The following ZNF780B variants were observed in gnomAD, a reference collection of about 807,000 sequenced individuals.
The protein encoded by ZNF780B is zinc finger protein 780B.
A neutral mutation model predicts 74.1 loss-of-function variants in ZNF780B; 52 were observed. The ratio of observed to expected loss-of-function variants is 0.70; its 90% CI spans 0.56 to 0.88. ZNF780B has a LOEUF of 0.88. Ranked by LOEUF, ZNF780B falls within the 40% of genes least tolerant of loss-of-function variation. ZNF780B has a pLI of 0.00. For synonymous variants in ZNF780B, 315 were observed against 324.3 expected, an observed-to-expected ratio of 0.97 and a Z score of 0.31; for missense variants, 953 against 1,007.6, an observed-to-expected ratio of 0.95 and a Z score of 0.73.
chr19:40,054,101 C>T (rs1048484050), intron 1 of ZNF780B, among the ~76,000 whole-genome samples: 6 of 152,062 alleles, frequency 3.9e-5, no homozygotes, highest in Non-Finnish European at 8.8e-5. Context: ...TGCAGTGAAC[C>T]GAGATCACGC....
rs1175343750 is a variant in ZNF780B at position 40,032,021 on chromosome 19, T to A, written c.*2336A>T. The A allele has an allele frequency of 8.8e-6, 4 of 455,066 alleles. No individual in the cohort carries two copies. The highest frequency in any genetic ancestry group is 4.0e-5 in the African/African-American group (2 of 49,878). 28.2% of individuals were successfully genotyped at this position (455,066 alleles called of 1,614,324 possible). On this transcript the variant is annotated 3_prime_UTR_variant, in exon 5 of 5. Transcript: ENST00000434248. ...AAGTATTCTTCCCCAAAACGTTTAA[T>A]CTAGACCTAAGAAAGCCTCTGGACT...
Position 40,034,702 on chromosome 19 carries a change from A to G in ZNF780B, c.2157T>C (p.His719=). ...HYQLTEHYRI[H]TGEKPFECKE... ...TACATTCAAAGGGTTTCTCACCAGT[A>G]TGAATTCGGTAATGTTCAGTAAGCT... The change falls in exon 5 of 5, where the codon CAT becomes CAC. Residue 719 remains histidine, a synonymous_variant. Transcript: ENST00000434248. The G allele has an allele frequency of 6.2e-7, 1 of 1,614,092 alleles. No individual in the cohort carries two copies. The highest frequency in any genetic ancestry group is 8.5e-7 in the Non-Finnish European group (1 of 1,180,006).
chr19:40,046,804 G>C (rs1006897664), intron 4 of ZNF780B, among the ~76,000 whole-genome samples: 1 of 152,232 alleles, frequency 6.6e-6, no homozygotes, highest in African/African-American at 2.4e-5. Context: ...GTATTGACCA[G>C]AGCCAAGCAT....
rs1972233663 is a variant in ZNF780B, at chr19:40,035,514, C to A, written c.1345G>T (p.Glu449Ter). 2 of 1,613,954 alleles carry A rather than the reference C, an allele frequency of 1.2e-6. No individual in the cohort carries two copies. The highest frequency in any genetic ancestry group is 1.7e-6 in the Non-Finnish European group (2 of 1,180,006). ...TGATATCGAAAGGCCATCTCACATT[C>A]CCTACATACAAAGGGTTTCTCATTG... ...HSNEKPFVCR[E>*]CEMAFRYHYQ... Residue 449 changes from glutamate (E) to a stop codon, truncating the protein, a stop_gained, in exon 5 of 5, where the codon GAA (glutamate) becomes TAA (stop). Coordinates refer to ENST00000434248, the MANE Select transcript of ZNF780B (RefSeq NM_001005851.3). LOFTEE classifies it high-confidence loss of function.
At chr19:40,052,695 AG>A (rs1247750140) in intron 1 of ZNF780B, among the ~76,000 whole-genome samples, 1 of 152,178 alleles carries the variant, frequency 6.6e-6, no homozygotes, top group African/African-American at 2.4e-5. Context: ...TATACTACAA[AG>A]CTATAGTAAC....
In ZNF780B at chr19:40,036,115, C is replaced by G; in HGVS notation, c.744G>C (p.Leu248=). The change falls in exon 5 of 5, where the codon CTG becomes CTC. Residue 248 remains leucine, a synonymous_variant. Transcript: ENST00000434248. ...RHKNIHTVKK[L]FECKECGKSF... ...ACTTCCCACATTCCTTACATTCAAA[C>G]AGTTTCTTAACTGTGTGAATGTTCT... 1 of 1,613,340 alleles carries G rather than the reference C, an allele frequency of 6.2e-7. No individual in the cohort carries two copies.
chr19:40,050,155 C>A lies in ZNF780B; in HGVS notation c.9+169G>T, dbSNP rs148009288. ...GAAGTTGCAATGAGCCAAGATCGCA[C>A]CACTGCATTCCAGCCTGGGTGACAG... On this transcript the variant is annotated intron_variant, in intron 2 of 4. Coordinates refer to ENST00000434248, the MANE Select transcript of ZNF780B (RefSeq NM_001005851.3). Among the ~76,000 whole-genome samples, 430 of 144,562 alleles carry A rather than the reference C, an allele frequency of 3.0e-3. 1 individual carries two copies. The highest frequency in any genetic ancestry group is 9.0e-3 in the African/African-American group (344 of 38,106). The allele number at this position is 144,562 out of a possible 152,430, so 94.8% of individuals were successfully genotyped here.
intron 4 of ZNF780B, among the ~76,000 whole-genome samples, chr19:40,043,791 C>T (rs1251593847): frequency 6.6e-6 from 1 of 152,232 alleles, no homozygotes; most frequent in Non-Finnish European, 1.5e-5. Flanking sequence ...CCCGATTTTC[C>T]AGGTGCCATC....
chr19:40,050,450 A>G (rs1420362251), intron 1 of ZNF780B, 73 bp from the exon 2 acceptor site: 2 of 1,387,700 alleles, frequency 1.4e-6, no homozygotes, highest in Non-Finnish European at 2.0e-6. Flanking sequence ...TAAATATTTT[A>G]TCCTCCATTC....
At chr19:40,046,439 C>T (rs754560712) in intron 4 of ZNF780B, among the ~76,000 whole-genome samples, 29 of 152,144 alleles carry the variant, frequency 1.9e-4, no homozygotes, top group Non-Finnish European at 3.4e-4. Flanking sequence ...TCCCACATTC[C>T]TCACAACGAC....
intron 4 of ZNF780B, among the ~76,000 whole-genome samples, chr19:40,037,361 C>T (rs1315616914): frequency 2.0e-5 from 3 of 152,188 alleles, no homozygotes; most frequent in Non-Finnish European, 4.4e-5. Flanking sequence ...GCTACAGCTA[C>T]AGGCACATGC....
At chr19:40,051,326 C>G (rs1362192648) in intron 1 of ZNF780B, among the ~76,000 whole-genome samples, 5 of 151,876 alleles carry the variant, frequency 3.3e-5, no homozygotes, top group South Asian at 2.1e-4. Context: ...AAATTGTTCT[C>G]CAAATTAGAT....
At chr19:40,049,720 G>GGGACCAACTCCTCCACTGTTC (rs1973121253) in intron 2 of ZNF780B, among the ~76,000 whole-genome samples, 1 of 152,118 alleles carries the variant, frequency 6.6e-6, no homozygotes, top group Admixed American at 6.5e-5. Flanking sequence ...TTTCCCTGTG[G>GGGACCAACTCCTCCACTGTTC]GGACCAACTC....
Position 40,032,297 on chromosome 19 carries a change from G to T in ZNF780B, c.*2060C>A. ...GGCTACACTTCTGTAGGTTTACTAA[G>T]TTCCACAGGGGATTCTGATACCCAC... On this transcript the variant is annotated 3_prime_UTR_variant, in exon 5 of 5. Transcript: ENST00000434248. 1 of 366,034 alleles carries T rather than the reference G, an allele frequency of 2.7e-6. No homozygotes were observed. The allele number at this position is 366,034 out of a possible 1,614,324, so 22.7% of individuals were successfully genotyped here.
chr19:40,038,394 T>C, intron 4 of ZNF780B, among the ~76,000 whole-genome samples: 1 of 152,178 alleles, frequency 6.6e-6, no homozygotes, highest in Non-Finnish European at 1.5e-5. Flanking sequence ...TGTGTCTTTA[T>C]AGCAGCATGA....
In ZNF780B at chr19:40,031,014, A is replaced by T. The variant is rs1040030919; in HGVS notation, c.*3343T>A. 6.6e-6 allele frequency: 1 copy of T among 152,258 alleles called. No individual in the cohort carries two copies. The highest frequency in any genetic ancestry group is 2.4e-5 in the African/African-American group (1 of 41,470). The allele number at this position is 152,258 out of a possible 1,614,324, so 9.4% of individuals were successfully genotyped here. Reference sequence around the variant, plus strand: ...AAATTATAACTTTACTTATGATTATAGATGCAATTAAATGGTAAAAGATAG... The same window carrying T: ...AAATTATAACTTTACTTATGATTATTGATGCAATTAAATGGTAAAAGATAG... On this transcript the variant is annotated 3_prime_UTR_variant, in exon 5 of 5. Transcript: ENST00000434248.
At position 40,035,506 on chromosome 19, in the gene ZNF780B, C is replaced by A. The variant is rs1051821351; in HGVS notation, c.1353G>T (p.Glu451Asp). ...NEKPFVCREC[E>D]MAFRYHYQLI... ...GTTGGTAATGATATCGAAAGGCCATCTCACATTCCCTACATACAAAGGGTT... is the reference window on the plus strand; with the variant it reads ...GTTGGTAATGATATCGAAAGGCCATATCACATTCCCTACATACAAAGGGTT... Residue 451 changes from glutamate (E) to aspartate (D), a missense_variant, in exon 5 of 5, where the codon GAG (glutamate) becomes GAT (aspartate). Physicochemically the swap from Glu to Asp is conservative, Grantham distance 45 (BLOSUM62 2). Coordinates refer to ENST00000434248, the MANE Select transcript of ZNF780B (RefSeq NM_001005851.3). 9.3e-6 allele frequency: 15 copies of A among 1,613,910 alleles called. No individual in the cohort carries two copies. Among genetic ancestry groups the A allele is most frequent in the African/African-American group, 1.3e-5 (1 of 74,866 alleles).
At chr19:40,048,066 C>G (rs562541286) in intron 3 of ZNF780B, among the ~76,000 whole-genome samples, 2 of 152,122 alleles carry the variant, frequency 1.3e-5, no homozygotes, top group African/African-American at 2.4e-5. Flanking sequence ...GAAGGTCTGT[C>G]GAAGGAAATG....
At chr19:40,047,209 G>A (rs1161057764) in intron 4 of ZNF780B, 166 bp downstream of exon 4, 2 of 650,800 alleles carry the variant, frequency 3.1e-6, no homozygotes, top group Admixed American at 2.3e-5. Flanking sequence ...AGCTCCTACA[G>A]TGATCTTATT....
Sources: gnomAD v4.1 joint callset for allele counts (sites outside exome capture counted in the v4.1 genomes callset) on GRCh38, gnomAD v4.1.1 for gene constraint, MANE v1.5 for transcripts, NCBI Gene and HGNC (gene_info 2026-07-23, HGNC 2026-07-21) for gene names.